Variants in ARFIP1 observed in about 807,000 individuals in gnomAD.
ARFIP1 encodes ARF interacting protein 1.
ARFIP1 carries 24 observed loss-of-function variants against 42.5 expected under a neutral mutation model. The ratio of observed to expected loss-of-function variants is 0.57; its 90% CI spans 0.41 to 0.80. ARFIP1 has a LOEUF of 0.80. ARFIP1 is among the 30% of genes least tolerant of loss of function. The pLI, the probability that ARFIP1 is intolerant of heterozygous loss-of-function variation, is 0.00. For missense variants in ARFIP1, 354 were observed against 434.0 expected (o/e 0.82, Z 1.64); for synonymous variants, 141 against 153.7 (o/e 0.92, Z 0.61).
intron 8 of ARFIP1, among the ~76,000 whole-genome samples, chr4:152,892,676 T>A (rs1335932241): frequency 6.6e-6 from 1 of 152,222 alleles, no homozygotes; most frequent in Non-Finnish European, 1.5e-5. Context: ...TACTCACATT[T>A]CTGCATATAT....
chr4:152,838,892 T>C (rs891103159), intron 2 of ARFIP1, among the ~76,000 whole-genome samples: 8 of 152,296 alleles, frequency 5.3e-5, no homozygotes, highest in African/African-American at 1.7e-4. Flanking sequence ...CTTTTCCCCA[T>C]TCAGTATTAT....
intron 2 of ARFIP1, among the ~76,000 whole-genome samples, chr4:152,838,608 A>G (rs1416589980): frequency 6.6e-6 from 1 of 152,148 alleles, no homozygotes; most frequent in African/African-American, 2.4e-5. Flanking sequence ...TAGAAGAGCT[A>G]CTGATTTGCC....
intron 1 of ARFIP1, chr4:152,795,989 A>C: frequency 1.8e-6 from 1 of 558,480 alleles, no homozygotes. Flanking sequence ...GTTTGGTAGT[A>C]CTCAGAAACA....
chr4:152,863,690 G>A lies in ARFIP1; in HGVS notation c.178G>A (p.Val60Ile), dbSNP rs1444364662. The A allele has an allele frequency of 1.9e-6, 3 of 1,608,758 alleles. No homozygotes were observed. The highest frequency in any genetic ancestry group is 1.7e-5 in the Admixed American group (1 of 59,942). ...SHGFDNTKEG[V>I]IEAGAFQGSP... ...TGGCTTTGACAATACCAAAGAGGGT[G>A]TTATTGAAGCAGGAGCATTTCAAGG... is the stretch of plus-strand genomic sequence containing the variant. The change falls in exon 3 of 9, where the codon GTT becomes ATT. Residue 60 changes from valine (V) to isoleucine (I), a missense_variant. Transcript: ENST00000353617.
In ARFIP1 at chr4:152,910,710, C is replaced by T. The variant is rs560217470; in HGVS notation, c.*491C>T. On this transcript the variant is annotated 3_prime_UTR_variant, in exon 9 of 9. Coordinates refer to ENST00000353617, the MANE Select transcript of ARFIP1 (RefSeq NM_001025595.3). ...TGCAGAGTAAAGTTATATGGTGTTC[C>T]TGCAGCGTCCACACAGAGGCAGCAG... 6.6e-6 allele frequency: 1 copy of T among 152,586 alleles called. No individual in the cohort carries two copies. The highest frequency in any genetic ancestry group is 2.1e-4 in the South Asian group (1 of 4,820). 9.5% of individuals were successfully genotyped at this position (152,586 alleles called of 1,614,324 possible). A position where few individuals can be genotyped will look rare whatever the true frequency, so the allele number is the denominator to read the frequency against.
chr4:152,794,106 A>G (rs765150378), intron 1 of ARFIP1, among the ~76,000 whole-genome samples: 5 of 152,126 alleles, frequency 3.3e-5, no homozygotes, highest in Non-Finnish European at 7.4e-5. Context: ...CCTAATGCTA[A>G]CATCTTACAT....
intron 2 of ARFIP1, among the ~76,000 whole-genome samples, chr4:152,835,746 C>T (rs1731595809): frequency 6.6e-6 from 1 of 152,146 alleles, no homozygotes; most frequent in Non-Finnish European, 1.5e-5. Context: ...TAAAGAAATA[C>T]ATGAAACTGG....
intron 3 of ARFIP1, among the ~76,000 whole-genome samples, chr4:152,865,898 T>A (rs1262523197): frequency 2.0e-5 from 3 of 152,162 alleles, no homozygotes; most frequent in Admixed American, 6.5e-5. Context: ...AATTGATCAT[T>A]CTTGGGTGTT....
chr4:152,902,222 CCAAATGTA>C (rs1360247855), intron 8 of ARFIP1, among the ~76,000 whole-genome samples: 1 of 152,152 alleles, frequency 6.6e-6, no homozygotes, highest in Admixed American at 6.5e-5. Flanking sequence ...CTGTACAAGG[CCAAATGTA>C]GTGGCTCACA....
At chr4:152,900,311 C>T (rs923975264) in intron 8 of ARFIP1, among the ~76,000 whole-genome samples, 5 of 152,154 alleles carry the variant, frequency 3.3e-5, no homozygotes, top group Admixed American at 6.5e-5. Flanking sequence ...AATTATAAGA[C>T]GTCACCACAG....
intron 5 of ARFIP1, among the ~76,000 whole-genome samples, chr4:152,874,366 A>G (rs57774738): frequency 0.046 from 7,039 of 152,262 alleles, 546 homozygotes; most frequent in African/African-American, 0.16. Context: ...AATTTTTTCC[A>G]TTAGAACTTA....
chr4:152,823,158 CAAGAA>C, intron 1 of ARFIP1, among the ~76,000 whole-genome samples: 1 of 152,020 alleles, frequency 6.6e-6, no homozygotes, highest in South Asian at 2.1e-4. Context: ...CTAGATGAAC[CAAGAA>C]AAGAACACAG....
intron 1 of ARFIP1, among the ~76,000 whole-genome samples, chr4:152,828,824 A>T (rs549769945): frequency 1.3e-4 from 20 of 152,320 alleles, no homozygotes; most frequent in African/African-American, 4.6e-4. Context: ...GTTTTCTCCT[A>T]TGCTCTCTTT....
rs1735809423 is a variant in ARFIP1 at position 152,881,113 on chromosome 4, C to T, written c.562C>T (p.Gln188Ter). The T allele has an allele frequency of 6.2e-7, 1 of 1,613,890 alleles. No individual in the cohort carries two copies. Among genetic ancestry groups the T allele is most frequent in the Non-Finnish European group, 8.5e-7 (1 of 1,179,874 alleles). The stretch of plus-strand genomic sequence containing the variant: ...TCAAACATTGTCGACCCAGCTTTTC[C>T]AGATGGTACATACCCAAAGGCAACT... ...LAQTLSTQLF[Q>*]MVHTQRQLGD... The change falls in exon 6 of 9, where the codon CAG (glutamine) becomes TAG (stop). Residue 188 changes from glutamine (Q) to a stop codon, truncating the protein, a stop_gained. Transcript: ENST00000353617. LOFTEE classifies it high-confidence loss of function.
chr4:152,891,069 G>A (rs561942868), intron 8 of ARFIP1, among the ~76,000 whole-genome samples: 2 of 152,174 alleles, frequency 1.3e-5, no homozygotes, highest in African/African-American at 2.4e-5. Flanking sequence ...ATATCCTCAC[G>A]TGGTGGAACA....
intron 1 of ARFIP1, among the ~76,000 whole-genome samples, chr4:152,787,302 C>T (rs188908654): frequency 6.6e-6 from 1 of 152,274 alleles, no homozygotes; most frequent in Non-Finnish European, 1.5e-5. Flanking sequence ...AACTTGAAAT[C>T]CAAAATGCTG....
intron 6 of ARFIP1, among the ~76,000 whole-genome samples, chr4:152,881,457 A>T (rs915791419): frequency 1.3e-5 from 2 of 152,108 alleles, no homozygotes; most frequent in African/African-American, 4.8e-5. Context: ...TCCTTAATCA[A>T]TATCAAGGGT....
intron 2 of ARFIP1, among the ~76,000 whole-genome samples, chr4:152,844,812 C>T (rs1383636833): frequency 6.6e-6 from 1 of 151,994 alleles, no homozygotes; most frequent in Non-Finnish European, 1.5e-5. Flanking sequence ...AGATTCAGTG[C>T]TTTTCTATTA....
chr4:152,886,991 TTA>T (rs1449834716), intron 7 of ARFIP1, among the ~76,000 whole-genome samples: 7 of 151,984 alleles, frequency 4.6e-5, no homozygotes, highest in Admixed American at 2.6e-4. Flanking sequence ...ACAATATAGA[TTA>T]TGTTATTTAA....
Sources: allele counts gnomAD v4.1 joint callset (sites outside exome capture counted in the v4.1 genomes callset), GRCh38; gene constraint gnomAD v4.1.1; transcripts MANE v1.5; gene names NCBI Gene and HGNC (gene_info 2026-07-23, HGNC 2026-07-21).